The following IMPA1 variants were observed in gnomAD, a reference collection of about 807,000 sequenced individuals.
IMPA1 encodes D-galactose 1-phosphate phosphatase.
A neutral mutation model predicts 34.9 loss-of-function variants in IMPA1; 21 were observed. The ratio of observed to expected loss-of-function variants is 0.60; its 90% CI spans 0.43 to 0.87. The LOEUF is 0.87. Ranked by LOEUF, IMPA1 falls within the 40% of genes least tolerant of loss-of-function variation. IMPA1 has a pLI of 0.00. For synonymous variants in IMPA1, 95 were observed against 104.4 expected (o/e 0.91, Z 0.55); for missense variants, 299 against 336.4 (o/e 0.89, Z 0.87).
At chr8:81,680,363 A>C (rs560252338) in intron 3 of IMPA1, among the ~76,000 whole-genome samples, 4 of 152,304 alleles carry the variant, frequency 2.6e-5, no homozygotes, top group African/African-American at 9.6e-5. Context: ...AGGAGATGTC[A>C]GCTTCCATGT....
At chr8:81,660,455 C>G (rs1440621267) in intron 8 of IMPA1, 61 bp downstream of exon 8, 14 of 1,509,896 alleles carry the variant, frequency 9.3e-6, no homozygotes, top group Non-Finnish European at 1.3e-5. Context: ...TTTTTAAATT[C>G]TACATATGGA....
At position 81,657,451 on chromosome 8, in the gene IMPA1, T is replaced by G. The variant is rs1276196781; in HGVS notation, c.*1900A>C. The stretch of plus-strand genomic sequence containing the variant: ...AAAAAATTAGCCAGGCATGGTGGCA[T>G]GTGCCTGTGGTTCCAGTTACTAGGG... On this transcript the variant is annotated 3_prime_UTR_variant, in exon 9 of 9. Coordinates refer to ENST00000256108, the MANE Select transcript of IMPA1 (RefSeq NM_005536.4). 6.6e-6 allele frequency among the ~76,000 whole-genome samples: 1 copy of G among 152,030 alleles called. No homozygotes were observed. Among genetic ancestry groups the G allele is most frequent in the Non-Finnish European group, 1.5e-5 (1 of 68,006 alleles).
At chr8:81,660,424 GTATAA>G (rs886125549) in intron 8 of IMPA1, 87 bp downstream of exon 8, 12 of 1,103,870 alleles carry the variant, frequency 1.1e-5, no homozygotes, top group African/African-American at 1.6e-5. Flanking sequence ...AAAAACTGCA[GTATAA>G]CATATATCAA....
At chr8:81,668,746 A>G (rs189240467) in intron 7 of IMPA1, among the ~76,000 whole-genome samples, 1 of 150,638 alleles carries the variant, frequency 6.6e-6, no homozygotes, top group East Asian at 2.0e-4. Flanking sequence ...TAGCACAGCT[A>G]CAAGGGAGCC....
At position 81,660,535 on chromosome 8, in the gene IMPA1, G is replaced by A. The variant is rs1050474913; in HGVS notation, c.699C>T (p.Gly233=). 11 of 1,613,372 alleles carry A rather than the reference G, an allele frequency of 6.8e-6. No individual in the cohort carries two copies. The highest frequency in any genetic ancestry group is 4.5e-5 in the East Asian group (2 of 44,884). The change falls in exon 8 of 9, where the codon GGC becomes GGT. Residue 233 remains glycine, a synonymous_variant. Coordinates refer to ENST00000256108, the MANE Select transcript of IMPA1 (RefSeq NM_005536.4). ...GAGIIVTEAG[G]VLMDVTGGPF... is the part of the protein sequence containing the mutation. ...TTTTACCTGTAACATCCATTAGCAC[G>A]CCACCAGCTTCAGTAACAATAATGC...
At chr8:81,677,164 C>CG (rs1807156323) in intron 4 of IMPA1, among the ~76,000 whole-genome samples, 2 of 151,642 alleles carry the variant, frequency 1.3e-5, no homozygotes, top group South Asian at 4.2e-4. Flanking sequence ...GGCACGATCT[C>CG]AGCCCACTGC....
intron 4 of IMPA1, among the ~76,000 whole-genome samples, chr8:81,676,570 G>GT (rs1807137369): frequency 6.6e-6 from 1 of 152,212 alleles, no homozygotes; most frequent in Non-Finnish European, 1.5e-5. Flanking sequence ...CGAGAAACTT[G>GT]TAACAGTGGT....
chr8:81,677,283 C>T (rs541775045), intron 4 of IMPA1, among the ~76,000 whole-genome samples: 1 of 152,066 alleles, frequency 6.6e-6, no homozygotes, highest in Non-Finnish European at 1.5e-5. Context: ...TACGTAGAGA[C>T]GGGGTTTCTC....
chr8:81,680,133 TAAAAAAAA>T (rs60772020), intron 3 of IMPA1, among the ~76,000 whole-genome samples: 1 of 132,148 alleles, frequency 7.6e-6, no homozygotes, highest in African/African-American at 2.7e-5. Flanking sequence ...TGTCTCCGTC[TAAAAAAAA>T]AAAAAAAAAG....
In IMPA1 at chr8:81,670,928, A is replaced by T; in HGVS notation, c.566+11T>A. On this transcript the variant is annotated intron_variant, in intron 7 of 8. Coordinates refer to ENST00000256108, the MANE Select transcript of IMPA1 (RefSeq NM_005536.4). ...ACAAAGAGAGAGATAGAATAATGGT[A>T]AAGAGCTTACCCATGAACAGGAATG... 2.2e-6 allele frequency: 3 copies of T among 1,352,404 alleles called. No individual in the cohort carries two copies. In the South Asian group the frequency reaches 4.2e-5, roughly 19 times the overall value. The allele number at this position is 1,352,404 out of a possible 1,614,324, so 83.8% of individuals were successfully genotyped here.
intron 5 of IMPA1, among the ~76,000 whole-genome samples, 168 bp downstream of exon 5, chr8:81,676,066 T>C (rs996410617): frequency 2.6e-5 from 4 of 152,234 alleles, no homozygotes; most frequent in African/African-American, 9.6e-5. Context: ...TTTTATCCAA[T>C]GCAAATGTAT....
chr8:81,661,731 T>C (rs1485628304), intron 7 of IMPA1, among the ~76,000 whole-genome samples: 3 of 152,250 alleles, frequency 2.0e-5, no homozygotes, highest in African/African-American at 7.2e-5. Context: ...TATGTATCCA[T>C]GTTAATTCCC....
intron 5 of IMPA1, chr8:81,674,228 T>C (rs2130292784): frequency 6.5e-6 from 2 of 307,132 alleles, no homozygotes; most frequent in South Asian, 1.3e-4. Flanking sequence ...ATTTTCTAAG[T>C]GAACGCTTCT....
chr8:81,682,080 CTTGAA>C (rs1448133065), intron 1 of IMPA1, among the ~76,000 whole-genome samples: 1 of 152,058 alleles, frequency 6.6e-6, no homozygotes, highest in Non-Finnish European at 1.5e-5. Flanking sequence ...TGACACAGAA[CTTGAA>C]TTCAATTCTG....
At chr8:81,667,082 A>G (rs1806850264) in intron 7 of IMPA1, among the ~76,000 whole-genome samples, 1 of 152,076 alleles carries the variant, frequency 6.6e-6, no homozygotes. Flanking sequence ...CTAATAATAA[A>G]AGACTGATAC....
At chr8:81,676,383 A>T (rs1807130610) in intron 4 of IMPA1, 104 bp from the exon 5 acceptor site, 2 of 538,774 alleles carry the variant, frequency 3.7e-6, no homozygotes, top group South Asian at 3.1e-5. Context: ...TTTTCCTATA[A>T]AAAGTCTCAT....
At chr8:81,676,534 G>T (rs1585899168) in intron 4 of IMPA1, among the ~76,000 whole-genome samples, 1 of 152,076 alleles carries the variant, frequency 6.6e-6, no homozygotes, top group East Asian at 1.9e-4. Flanking sequence ...GCTTCTATAG[G>T]CATGAAACAT....
intron 7 of IMPA1, among the ~76,000 whole-genome samples, chr8:81,667,376 C>T (rs143821656): frequency 4.6e-5 from 7 of 152,230 alleles, no homozygotes; most frequent in African/African-American, 9.6e-5. Context: ...CCCTCCAAAA[C>T]GCATGTTGAA....
rs1162055158 is a variant in IMPA1, at chr8:81,673,970, C to T, written c.349-21G>A. The T allele has an allele frequency of 4.1e-6, 6 of 1,460,008 alleles. No homozygotes were observed. The East Asian group carries it at 1.4e-4, about 33-fold the overall frequency. 90.4% of individuals were successfully genotyped at this position (1,460,008 alleles called of 1,614,324 possible). ...TCTATCTGCAGAGGAAAACAAGTTT[C>T]CTTTACCAAACCTAAGTATGTTTCA... On this transcript the variant is annotated intron_variant, in intron 5 of 8. Coordinates refer to ENST00000256108, the MANE Select transcript of IMPA1 (RefSeq NM_005536.4).
Sources: gnomAD v4.1 joint callset for allele counts (sites outside exome capture counted in the v4.1 genomes callset) on GRCh38, gnomAD v4.1.1 for gene constraint, MANE v1.5 for transcripts, NCBI Gene and HGNC (gene_info 2026-07-23, HGNC 2026-07-21) for gene names.